The following PSMA1 variants were observed in gnomAD, a reference collection of about 807,000 sequenced individuals.
PSMA1 encodes the protein proteasome 20S subunit alpha 1, also known as proteasome subunit alpha type-1.
Under a neutral mutation model 38.4 loss-of-function variants are expected in PSMA1, and 3 were observed. The ratio of observed to expected loss-of-function variants is 0.08; its 90% CI spans 0.04 to 0.20. PSMA1 has a LOEUF of 0.20. PSMA1 is among the 10% of genes least tolerant of loss of function. The pLI is 1.00. For synonymous variants in PSMA1, 101 were observed against 107.1 expected (o/e 0.94, Z 0.35); for missense variants, 227 against 325.3 (o/e 0.70, Z 2.32).
intron 1 of PSMA1, chr11:14,520,093 C>A (rs1273555355): frequency 5.4e-6 from 4 of 737,980 alleles, no homozygotes; most frequent in African/African-American, 1.8e-5. Flanking sequence ...GAAGCGAAAG[C>A]GGTGGAAAGG....
intron 2 of PSMA1, among the ~76,000 whole-genome samples, chr11:14,592,707 T>G (rs1469214613): frequency 6.6e-6 from 1 of 152,216 alleles, no homozygotes. Context: ...CTTGTAGAAT[T>G]TTGTTTCTTG....
rs951006238 is a variant in PSMA1 at position 14,558,287 on chromosome 11, C to T, written c.22-39246G>A. 1.9e-4 allele frequency among the ~76,000 whole-genome samples: 28 copies of T among 148,958 alleles called. 1 individual carries two copies. In the Middle Eastern group the frequency reaches 0.011, roughly 57 times the overall value. On this transcript the variant is annotated intron_variant, in intron 2 of 10. Transcript: ENST00000418988. ...AAAAAAAAAATACTGTGCATGGTGG[C>T]ACACATCTGTAGTCCCAGCTGCTAG...
chr11:14,638,750 T>C (rs1853160184), intron 1 of PSMA1, among the ~76,000 whole-genome samples: 1 of 150,398 alleles, frequency 6.6e-6, no homozygotes, highest in Admixed American at 6.6e-5. Context: ...AAGTATCCAG[T>C]TTGTGGTAGT....
intron 1 of PSMA1, among the ~76,000 whole-genome samples, chr11:14,613,050 T>C (rs375275501): frequency 6.6e-6 from 1 of 152,142 alleles, no homozygotes; most frequent in Non-Finnish European, 1.5e-5. Context: ...TTTCACTGGA[T>C]GGACAACCAC....
At chr11:14,625,495 T>C (rs1852899400) in intron 1 of PSMA1, among the ~76,000 whole-genome samples, 1 of 152,176 alleles carries the variant, frequency 6.6e-6, no homozygotes, top group African/African-American at 2.4e-5. Flanking sequence ...GGGAACATAA[T>C]TGACTACTGG....
At chr11:14,618,570 T>G (rs1357332) in intron 1 of PSMA1, among the ~76,000 whole-genome samples, 93,266 of 152,078 alleles carry the variant, frequency 0.61, 29,158 homozygotes, top group African/African-American at 0.73. Flanking sequence ...CTAAAGGAAT[T>G]GTCATTTATA....
chr11:14,626,295 A>G (rs1316149438), intron 1 of PSMA1, among the ~76,000 whole-genome samples: 1 of 152,222 alleles, frequency 6.6e-6, no homozygotes, highest in Non-Finnish European at 1.5e-5. Context: ...ATCTTAATTC[A>G]TATAAATGAG....
chr11:14,557,128 C>A (rs375514650), intron 2 of PSMA1, among the ~76,000 whole-genome samples: 2 of 152,234 alleles, frequency 1.3e-5, no homozygotes, highest in South Asian at 2.1e-4. Flanking sequence ...AGCGACTGCA[C>A]CCTGCTCATT....
upstream of PSMA1, among the ~76,000 whole-genome samples, chr11:14,522,086 ATCTC>A (rs1851537513): frequency 1.3e-5 from 2 of 152,186 alleles, no homozygotes; most frequent in South Asian, 4.1e-4. Context: ...TTCCATATAT[ATCTC>A]TCTAGTCACA....
intron 1 of PSMA1, among the ~76,000 whole-genome samples, chr11:14,632,222 G>T (rs1345696585): frequency 6.1e-5 from 9 of 148,018 alleles, no homozygotes; most frequent in Non-Finnish European, 1.0e-4. Context: ...ATGTTAGCTG[G>T]TTAATTTGCT....
intron 1 of PSMA1, among the ~76,000 whole-genome samples, chr11:14,615,327 C>T (rs959264312): frequency 5.9e-5 from 9 of 152,208 alleles, no homozygotes; most frequent in African/African-American, 1.9e-4. Context: ...ACTTGCCCTG[C>T]GTCCTCAGAG....
intron 2 of PSMA1, among the ~76,000 whole-genome samples, chr11:14,536,260 C>G (rs906470336): frequency 6.6e-6 from 1 of 152,204 alleles, no homozygotes; most frequent in African/African-American, 2.4e-5. Flanking sequence ...CGCGAGGTGG[C>G]TCACGCCTGT....
intron 2 of PSMA1, among the ~76,000 whole-genome samples, chr11:14,556,767 T>G (rs1387641015): frequency 6.6e-6 from 1 of 152,234 alleles, no homozygotes; most frequent in African/African-American, 2.4e-5. Context: ...ATTTTGCCTA[T>G]AGACATCCAG....
At chr11:14,596,687 CA>C (rs1163273044) in intron 2 of PSMA1, among the ~76,000 whole-genome samples, 1 of 152,210 alleles carries the variant, frequency 6.6e-6, no homozygotes, top group East Asian at 1.9e-4. Flanking sequence ...ATGTCATCTG[CA>C]AACAGGTACA....
At chr11:14,520,396 G>T (rs1251538793), upstream of PSMA1, 2 of 1,613,444 alleles carry the variant, frequency 1.2e-6, no homozygotes, top group Non-Finnish European at 1.7e-6. Context: ...GAAGTCTGCG[G>T]GAGTTTGACG....
intron 1 of PSMA1, chr11:14,520,080 C>T (rs2134152149): frequency 2.9e-6 from 2 of 681,890 alleles, no homozygotes; most frequent in East Asian, 2.7e-5. Flanking sequence ...GGAGGCTCCC[C>T]GGGAAGCGAA....
upstream of PSMA1, among the ~76,000 whole-genome samples, chr11:14,523,186 G>C (rs1851547928): frequency 6.6e-6 from 1 of 152,150 alleles, no homozygotes; most frequent in African/African-American, 2.4e-5. Context: ...AGTCCCAAGG[G>C]CTTATTAAAG....
intron 2 of PSMA1, among the ~76,000 whole-genome samples, chr11:14,555,328 T>C (rs192235536): frequency 3.9e-5 from 6 of 152,368 alleles, no homozygotes; most frequent in Admixed American, 2.6e-4. Context: ...TGATGTGCAT[T>C]ACTTCTGACT....
chr11:14,519,395 C>A (rs961365110), intron 1 of PSMA1, among the ~76,000 whole-genome samples: 5 of 152,176 alleles, frequency 3.3e-5, no homozygotes, highest in Non-Finnish European at 7.3e-5. Flanking sequence ...TAAAAGTCTT[C>A]CTTTTCTTTA....
Sources: allele counts gnomAD v4.1 joint callset (sites outside exome capture counted in the v4.1 genomes callset), GRCh38; gene constraint gnomAD v4.1.1; transcripts MANE v1.5; gene names NCBI Gene and HGNC (gene_info 2026-07-23, HGNC 2026-07-21).